The following COPZ2 variants were observed in gnomAD, a reference collection of about 807,000 sequenced individuals.
COPZ2 encodes the protein coatomer subunit zeta-2.
In COPZ2, 30 loss-of-function variants were observed where a neutral mutation model predicts 33.2. The ratio of observed to expected loss-of-function variants is 0.90; its 90% CI spans 0.68 to 1.23. The LOEUF (loss-of-function observed/expected upper bound fraction) is 1.23, where lower values mean the gene tolerates loss of function less well. COPZ2 is among the 50% of genes most tolerant of loss of function. The probability of loss-of-function intolerance (pLI) is 0.00; values close to 1 mark genes in which losing one functional copy is unlikely to be tolerated. For synonymous variants in COPZ2, 89 were observed against 102.6 expected, an observed-to-expected ratio of 0.87 and a Z score of 0.80; for missense variants, 263 against 262.4, an observed-to-expected ratio of 1.00 and a Z score of -0.02.
At chr17:48,035,568 G>A (rs985579992) in intron 2 of COPZ2, among the ~76,000 whole-genome samples, 7 of 151,432 alleles carry the variant, frequency 4.6e-5, no homozygotes, top group Non-Finnish European at 8.8e-5. Flanking sequence ...GCTAATTTTC[G>A]TTTTTTTGTT....
intron 8 of COPZ2, among the ~76,000 whole-genome samples, chr17:48,027,329 G>A (rs555214938): frequency 6.6e-6 from 1 of 152,214 alleles, no homozygotes; most frequent in South Asian, 2.1e-4. Flanking sequence ...TATTCAGCAT[G>A]TGTTAACTGG....
the COPZ2 span, among the ~76,000 whole-genome samples, chr17:48,043,048 T>A: frequency 6.6e-6 from 1 of 152,234 alleles, no homozygotes; most frequent in Non-Finnish European, 1.5e-5. Flanking sequence ...TGGCAGCACA[T>A]GAGAAGCATG....
chr17:48,033,864 C>G lies in COPZ2; in HGVS notation c.267G>C (p.Glu89Asp), dbSNP rs751328157. ...CTGGAGGAAGAGGGGGACACTTACTCTCAGTCCGGCTGGTCTTGTTGAAGA... is the reference window on the plus strand; with the variant it reads ...CTGGAGGAAGAGGGGGACACTTACTGTCAGTCCGGCTGGTCTTGTTGAAGA... ...KNVFNKTSRT[E>D]SEIAFFGGMT... is the part of the protein sequence containing the mutation. Residue 89 changes from glutamate (E) to aspartate (D), a missense_variant and splice_region_variant, in exon 3 of 9, where the codon GAG becomes GAC. By Grantham distance (45) the Glu-to-Asp change is conservative. Coordinates refer to ENST00000621465, the MANE Select transcript of COPZ2 (RefSeq NM_016429.4). 1.2e-6 allele frequency: 2 copies of G among 1,605,326 alleles called. No individual in the cohort carries two copies. Among genetic ancestry groups the G allele is most frequent in the African/African-American group, 1.3e-5 (1 of 74,790 alleles).
At chr17:48,031,076 C>T (rs956679337) in intron 6 of COPZ2, among the ~76,000 whole-genome samples, 5 of 152,130 alleles carry the variant, frequency 3.3e-5, no homozygotes, top group Admixed American at 6.6e-5. Context: ...AGACCTCCGG[C>T]GTGTCACTTG....
the COPZ2 span, among the ~76,000 whole-genome samples, chr17:48,044,403 C>CTTTTTTTTTTTTTTTTTTTTTTTTTT: frequency 9.8e-6 from 1 of 101,756 alleles, no homozygotes; most frequent in African/African-American, 3.4e-5. Flanking sequence ...CAATCTTTTG[C>CTTTTTTTTTTTTTTTTTTTTTTTTTT]TTTTTTTTTT....
chr17:48,032,281 T>C, intron 5 of COPZ2, 48 bp from the exon 6 acceptor site: 2 of 1,532,620 alleles, frequency 1.3e-6, no homozygotes, highest in Non-Finnish European at 1.8e-6. Flanking sequence ...TGGGAGGAAC[T>C]GAGTCCCTGC....
Position 48,026,230 on chromosome 17 carries a change from A to G in COPZ2, c.*198T>C. 1 of 573,458 alleles carries G rather than the reference A, an allele frequency of 1.7e-6. No homozygotes were observed. The highest frequency in any genetic ancestry group is 3.1e-6 in the Non-Finnish European group (1 of 322,134). The allele number at this position is 573,458 out of a possible 1,614,324, so 35.5% of individuals were successfully genotyped here. A position where few individuals can be genotyped will look rare whatever the true frequency, so the allele number is the denominator to read the frequency against. Reference sequence around the variant, plus strand: ...GCCAGGAATGCCTAAGATATGAGTTAAGGCCAGGGCCGTGAGAAAAGGTGA... The same window carrying G: ...GCCAGGAATGCCTAAGATATGAGTTGAGGCCAGGGCCGTGAGAAAAGGTGA... On this transcript the variant is annotated 3_prime_UTR_variant, in exon 9 of 9. Transcript: ENST00000621465.
the COPZ2 span, among the ~76,000 whole-genome samples, chr17:48,044,333 C>T: frequency 6.7e-6 from 1 of 149,966 alleles, no homozygotes; most frequent in Admixed American, 6.7e-5. Flanking sequence ...GACCACAGAG[C>T]GACTCCATCT....
chr17:48,038,430 G>C (rs1209909076), upstream of COPZ2, among the ~76,000 whole-genome samples: 1 of 152,104 alleles, frequency 6.6e-6, no homozygotes, highest in Admixed American at 6.5e-5. Flanking sequence ...GCATGTTTTG[G>C]TTTCTTTGGT....
At position 48,032,175 on chromosome 17, in the gene COPZ2, C is replaced by T. The variant is rs771505028; in HGVS notation, c.475G>A (p.Asp159Asn). ...CCTCACCCGCCATCCACAATCTCGT[C>T]CAGCACCAAGAAGGCTCCGTCCATG... ...ENMDGAFLVL[D>N]EIVDGGVILE... Residue 159 changes from aspartate (D) to asparagine (N), a missense_variant, in exon 6 of 9, where the codon GAC becomes AAC. Asp to Asn is a conservative substitution (Grantham distance 23, BLOSUM62 1). Coordinates refer to ENST00000621465, the MANE Select transcript of COPZ2 (RefSeq NM_016429.4). The T allele has an allele frequency of 6.2e-7, 1 of 1,613,486 alleles. No homozygotes were observed. Among genetic ancestry groups the T allele is most frequent in the Non-Finnish European group, 8.5e-7 (1 of 1,179,730 alleles).
rs1200219952 is a variant in COPZ2, at chr17:48,037,613, C to G, written c.111+54G>C. ...GTTGGCTGCTCCCCCTAACCCTGCT[C>G]TGTCCCTGCCCAGCTCCCGCCGCCC... On this transcript the variant is annotated intron_variant, in intron 1 of 8. Coordinates refer to ENST00000621465, the MANE Select transcript of COPZ2 (RefSeq NM_016429.4). The surrounding 1 kb of genome is among the most constrained non-coding windows in gnomAD (Gnocchi z 5.6). 3.5e-5 allele frequency: 37 copies of G among 1,054,828 alleles called. No homozygotes were observed. The highest frequency in any genetic ancestry group is 4.2e-5 in the Non-Finnish European group (37 of 874,108). 65.3% of individuals were successfully genotyped at this position (1,054,828 alleles called of 1,614,324 possible).
chr17:48,026,359 G>T lies in COPZ2; in HGVS notation c.*69C>A. ...ATACAGAGGGGTCTCTCCTGACCCT[G>T]GGATCTTTGGGCTTTTGCCAGGATT... On this transcript the variant is annotated 3_prime_UTR_variant, in exon 9 of 9. Transcript: ENST00000621465. 7.7e-7 allele frequency: 1 copy of T among 1,294,948 alleles called. No individual in the cohort carries two copies. Among genetic ancestry groups the T allele is most frequent in the African/African-American group, 1.4e-5 (1 of 69,342 alleles). The allele number at this position is 1,294,948 out of a possible 1,614,324, so 80.2% of individuals were successfully genotyped here.
chr17:48,043,037 C>G, the COPZ2 span, among the ~76,000 whole-genome samples: 1 of 152,258 alleles, frequency 6.6e-6, no homozygotes, highest in African/African-American at 2.4e-5. Flanking sequence ...CAGTTTAAGG[C>G]TGGCAGCACA....
intron 6 of COPZ2, 165 bp downstream of exon 6, chr17:48,031,991 G>T (rs539843337): frequency 3.2e-6 from 2 of 632,522 alleles, no homozygotes; most frequent in South Asian, 1.9e-5. Flanking sequence ...CTTCATGAGT[G>T]GGGCGCTAGT....
At chr17:48,040,558 G>A (rs959238876), upstream of COPZ2, among the ~76,000 whole-genome samples, 22 of 150,404 alleles carry the variant, frequency 1.5e-4, no homozygotes, top group South Asian at 1.5e-3. Context: ...TCAGCCTCCC[G>A]AGTAGTTGGG....
chr17:48,026,519 A>G (rs1196230014), intron 8 of COPZ2, 44 bp from the exon 9 acceptor site: 5 of 1,429,412 alleles, frequency 3.5e-6, no homozygotes, highest in East Asian at 4.5e-5. Context: ...GAGAATGTCA[A>G]ATGCCTCCAT....
At chr17:48,040,142 A>T (rs954810912), upstream of COPZ2, among the ~76,000 whole-genome samples, 2 of 101,008 alleles carry the variant, frequency 2.0e-5, no homozygotes, top group Non-Finnish European at 3.9e-5. Context: ...ACCCACACAC[A>T]CACACACACA....
At chr17:48,041,740 G>A (rs1345702805), upstream of COPZ2, among the ~76,000 whole-genome samples, 1 of 151,914 alleles carries the variant, frequency 6.6e-6, no homozygotes, top group African/African-American at 2.4e-5. Context: ...CATGCTGGCT[G>A]GGTATGTTAT....
the COPZ2 span, among the ~76,000 whole-genome samples, chr17:48,044,101 C>A: frequency 6.6e-6 from 1 of 152,194 alleles, no homozygotes; most frequent in Non-Finnish European, 1.5e-5. Context: ...AATCCCAGCA[C>A]TTTGGGAGGC....
Sources: gnomAD v4.1 joint callset for allele counts (sites outside exome capture counted in the v4.1 genomes callset) on GRCh38, gnomAD v4.1.1 for gene constraint, Gnocchi (gnomAD v3.1) non-coding constraint, MANE v1.5 for transcripts, NCBI Gene and HGNC (gene_info 2026-07-23, HGNC 2026-07-21) for gene names.